ARHGEF3: variants seen among roughly 807,000 people sequenced by gnomAD.
The protein encoded by ARHGEF3 is Rho guanine nucleotide exchange factor 3.
In ARHGEF3, 28 loss-of-function variants were observed where a neutral mutation model predicts 63.2. That is an observed-to-expected ratio of 0.44 (90% CI 0.33 to 0.61). The LOEUF is 0.61. ARHGEF3 is among the 20% of genes least tolerant of loss of function. ARHGEF3 has a pLI of 0.03. For synonymous variants in ARHGEF3, 266 were observed against 254.2 expected, an observed-to-expected ratio of 1.05 and a Z score of -0.44; for missense variants, 533 against 659.3, an observed-to-expected ratio of 0.81 and a Z score of 2.10.
intron 1 of ARHGEF3, among the ~76,000 whole-genome samples, chr3:57,047,831 TCTGAAGCCTTCCGGAGCTGGGATG>T (rs1158448752): frequency 1.3e-5 from 2 of 152,068 alleles, no homozygotes; most frequent in Non-Finnish European, 2.9e-5. Context: ...GGAGATAGAA[TCTGAAGCCTTCCGGAGCTGGGATG>T]CTTGAGCAAA....
chr3:56,923,171 T>G (rs1039835567), intron 3 of ARHGEF3, among the ~76,000 whole-genome samples: 1 of 150,506 alleles, frequency 6.6e-6, no homozygotes, highest in African/African-American at 2.4e-5. Flanking sequence ...GAGGTTGCAG[T>G]GAGCCAAGAT....
chr3:56,870,197 G>A (rs547396529), intron 4 of ARHGEF3, among the ~76,000 whole-genome samples: 3 of 152,176 alleles, frequency 2.0e-5, no homozygotes. Flanking sequence ...GCAATAATAA[G>A]CAGCAGTTTA....
chr3:56,935,778 C>T (rs144961208), intron 3 of ARHGEF3, among the ~76,000 whole-genome samples: 36 of 152,278 alleles, frequency 2.4e-4, no homozygotes, highest in Non-Finnish European at 4.6e-4. Flanking sequence ...CACGAGGGTC[C>T]GTGGCTTCAT....
intron 3 of ARHGEF3, chr3:56,898,674 AG>A: frequency 4.4e-6 from 1 of 224,874 alleles, no homozygotes; most frequent in Non-Finnish European, 9.9e-6. Flanking sequence ...AAAGAAAAGG[AG>A]GGAAGCCAAT....
intron 3 of ARHGEF3, among the ~76,000 whole-genome samples, chr3:56,951,708 T>C (rs184378811): frequency 6.6e-6 from 1 of 152,162 alleles, no homozygotes; most frequent in Admixed American, 6.5e-5. Flanking sequence ...TCTGATCCAT[T>C]AACTGTTTTC....
chr3:57,007,109 G>A (rs747237833), intron 2 of ARHGEF3: 42 of 1,171,994 alleles, frequency 3.6e-5, no homozygotes, highest in Non-Finnish European at 4.3e-5. Context: ...CCAGCAAGGT[G>A]TACAGTTACT....
intron 4 of ARHGEF3, among the ~76,000 whole-genome samples, chr3:56,832,036 G>A (rs186966066): frequency 4.6e-5 from 7 of 152,304 alleles, no homozygotes; most frequent in Admixed American, 3.3e-4. Context: ...GTCGAGAGGG[G>A]CCAGTGGAGG....
chr3:57,063,170 G>A (rs973547765), intron 1 of ARHGEF3, among the ~76,000 whole-genome samples: 6 of 152,196 alleles, frequency 3.9e-5, no homozygotes, highest in African/African-American at 1.4e-4. Flanking sequence ...AGGCCCTGAG[G>A]TGCCCACGCA....
intron 1 of ARHGEF3, among the ~76,000 whole-genome samples, chr3:57,064,891 G>T (rs1023837640): frequency 6.6e-6 from 1 of 152,174 alleles, no homozygotes; most frequent in African/African-American, 2.4e-5. Flanking sequence ...CAACACTACT[G>T]ACCTGAAAAC....
chr3:56,917,986 G>A (rs2042029216), intron 3 of ARHGEF3, among the ~76,000 whole-genome samples: 1 of 152,208 alleles, frequency 6.6e-6, no homozygotes, highest in Non-Finnish European at 1.5e-5. Flanking sequence ...TGAGAGGTGG[G>A]TTTCAGATTG....
At chr3:56,823,561 G>A (rs1220373777) in intron 4 of ARHGEF3, among the ~76,000 whole-genome samples, 1 of 152,062 alleles carries the variant, frequency 6.6e-6, no homozygotes. Flanking sequence ...TTGTGGACTT[G>A]GAAGTGCTTT....
intron 4 of ARHGEF3, among the ~76,000 whole-genome samples, chr3:56,817,740 A>C (rs1197133052): frequency 6.6e-6 from 1 of 152,264 alleles, no homozygotes; most frequent in Admixed American, 6.5e-5. Flanking sequence ...AAGATCACAC[A>C]GCTACTAAAT....
At chr3:56,831,023 C>A (rs888896963) in intron 4 of ARHGEF3, among the ~76,000 whole-genome samples, 1 of 152,204 alleles carries the variant, frequency 6.6e-6, no homozygotes, top group African/African-American at 2.4e-5. Context: ...CATCTCCCCA[C>A]CTAGGCTACA....
chr3:56,893,474 C>G (rs566734046), intron 3 of ARHGEF3, among the ~76,000 whole-genome samples: 26 of 146,520 alleles, frequency 1.8e-4, no homozygotes, highest in Admixed American at 6.9e-5. Flanking sequence ...CCACCACGCC[C>G]AACCCCTTTG....
At chr3:56,842,330 T>C (rs773955846) in intron 4 of ARHGEF3, among the ~76,000 whole-genome samples, 2 of 152,254 alleles carry the variant, frequency 1.3e-5, no homozygotes, top group African/African-American at 2.4e-5. Flanking sequence ...CTTTCTTGGA[T>C]CTTATTGCTT....
rs79258206 is a variant in ARHGEF3, at chr3:57,029,783, C to T, written c.62+5305G>A. The stretch of plus-strand genomic sequence containing the variant: ...CCAAGAAGACACCTTAGAGAGATGT[C>T]GCCTTGCCCAGGGTCACAGAGCCCA... On this transcript the variant is annotated intron_variant, in intron 2 of 12. Transcript: ENST00000338458. 5.4e-3 allele frequency among the ~76,000 whole-genome samples: 820 copies of T among 152,240 alleles called. 3 individuals are homozygous for T. The highest frequency in any genetic ancestry group is 9.0e-3 in the Non-Finnish European group (612 of 68,008).
At chr3:56,796,053 T>C (rs941090445) in intron 1 of ARHGEF3, among the ~76,000 whole-genome samples, 28 of 151,328 alleles carry the variant, frequency 1.9e-4, no homozygotes, top group African/African-American at 6.3e-4. Context: ...TAAGAATAAA[T>C]GGCAACGCAG....
At chr3:56,775,298 G>A in intron 1 of ARHGEF3, 1 of 1,206,542 alleles carries the variant, frequency 8.3e-7, no homozygotes, top group African/African-American at 1.6e-5. Context: ...GTCATTTTAT[G>A]CCCCTGCCAG....
At chr3:56,748,093 G>T (rs2034501851) in intron 6 of ARHGEF3, among the ~76,000 whole-genome samples, 1 of 152,184 alleles carries the variant, frequency 6.6e-6, no homozygotes, top group Non-Finnish European at 1.5e-5. Flanking sequence ...GGAGAGCAGT[G>T]GCATGATCAT....
Sources: allele counts gnomAD v4.1 joint callset (sites outside exome capture counted in the v4.1 genomes callset), GRCh38; gene constraint gnomAD v4.1.1; transcripts MANE v1.5; gene names NCBI Gene and HGNC (gene_info 2026-07-23, HGNC 2026-07-21).